Variants in PLXDC2 observed in about 807,000 individuals in gnomAD.
PLXDC2 encodes plexin domain-containing protein 2.
PLXDC2 carries 40 observed loss-of-function variants against 68.9 expected under a neutral mutation model. That is an observed-to-expected ratio of 0.58 (90% CI 0.45 to 0.76). The LOEUF (loss-of-function observed/expected upper bound fraction) is 0.76, where lower values mean the gene tolerates loss of function less well. Among genes scored for constraint, PLXDC2 ranks in the 30% least tolerant of loss-of-function variants. The pLI, the probability that PLXDC2 is intolerant of heterozygous loss-of-function variation, is 0.00. For synonymous variants in PLXDC2, 243 were observed against 234.2 expected, an observed-to-expected ratio of 1.04 and a Z score of -0.34; for missense variants, 644 against 661.9, an observed-to-expected ratio of 0.97 and a Z score of 0.30.
intron 9 of PLXDC2, among the ~76,000 whole-genome samples, chr10:20,206,547 G>A (rs575350884): frequency 2.0e-5 from 3 of 152,106 alleles, no homozygotes; most frequent in South Asian, 2.1e-4. Flanking sequence ...AGAATTTGCT[G>A]TGCTTAGAGC....
intron 4 of PLXDC2, 132 bp from the exon 5 acceptor site, chr10:20,143,163 T>C: frequency 6.6e-6 from 6 of 915,546 alleles, no homozygotes; most frequent in Non-Finnish European, 9.5e-6. Flanking sequence ...AGATATTAAA[T>C]ATGTTCCTTT....
At chr10:19,868,167 T>C (rs1347885457) in intron 1 of PLXDC2, among the ~76,000 whole-genome samples, 5 of 152,152 alleles carry the variant, frequency 3.3e-5, no homozygotes, top group African/African-American at 2.4e-5. Context: ...GTTTGTTACA[T>C]AGACAGATTG....
At chr10:20,136,676 G>A (rs182011882) in intron 4 of PLXDC2, among the ~76,000 whole-genome samples, 3 of 152,302 alleles carry the variant, frequency 2.0e-5, no homozygotes, top group Admixed American at 6.5e-5. Context: ...AGTACATAAC[G>A]TTATAACAAA....
At chr10:19,953,543 A>G (rs867279164) in intron 1 of PLXDC2, among the ~76,000 whole-genome samples, 2 of 152,210 alleles carry the variant, frequency 1.3e-5, no homozygotes, top group Non-Finnish European at 2.9e-5. Context: ...AAAAATACCA[A>G]TCCTGTTTTC....
intron 1 of PLXDC2, among the ~76,000 whole-genome samples, chr10:19,994,753 T>G (rs10740958): frequency 0.4 from 60,955 of 151,054 alleles, 12,598 homozygotes; most frequent in East Asian, 0.57. Context: ...GATTTTTTTT[T>G]TGTGTGTGTG....
At chr10:19,901,587 G>T (rs578217018) in intron 1 of PLXDC2, among the ~76,000 whole-genome samples, 1 of 151,892 alleles carries the variant, frequency 6.6e-6, no homozygotes, top group Non-Finnish European at 1.5e-5. Flanking sequence ...ATCCTTTGTC[G>T]GATGTATAGA....
intron 1 of PLXDC2, among the ~76,000 whole-genome samples, chr10:19,966,858 C>T (rs549101317): frequency 6.7e-4 from 102 of 152,192 alleles, no homozygotes; most frequent in African/African-American, 2.3e-3. Flanking sequence ...GCCTGCAATG[C>T]AGAGGCCAGG....
At chr10:19,959,010 T>TAGA (rs1834114798) in intron 1 of PLXDC2, among the ~76,000 whole-genome samples, 1 of 152,190 alleles carries the variant, frequency 6.6e-6, no homozygotes, top group African/African-American at 2.4e-5. Flanking sequence ...GCCTTCTGAT[T>TAGA]AGAAGTTGAA....
At chr10:20,084,863 C>T (rs988924405) in intron 4 of PLXDC2, among the ~76,000 whole-genome samples, 2 of 138,646 alleles carry the variant, frequency 1.4e-5, no homozygotes, top group Non-Finnish European at 3.0e-5. Context: ...AAGGTGCTCA[C>T]GAAGGCCGTG....
chr10:20,001,728 T>C (rs1243345734), intron 1 of PLXDC2, 47 bp from the exon 2 acceptor site: 88 of 1,553,676 alleles, frequency 5.7e-5, no homozygotes, highest in Non-Finnish European at 7.1e-5. Context: ...CTTGCATGTA[T>C]GGTACACATA....
intron 6 of PLXDC2, among the ~76,000 whole-genome samples, chr10:20,152,422 T>C (rs576057524): frequency 6.6e-6 from 1 of 152,252 alleles, no homozygotes; most frequent in Admixed American, 6.5e-5. Flanking sequence ...TCTGTGTTGT[T>C]CAACCAAAGA....
chr10:19,910,821 G>C (rs1202798802), intron 1 of PLXDC2, among the ~76,000 whole-genome samples: 3 of 151,720 alleles, frequency 2.0e-5, no homozygotes, highest in African/African-American at 7.3e-5. Flanking sequence ...CCAGCCTAGT[G>C]AACATAGTGA....
At position 19,840,810 on chromosome 10, in the gene PLXDC2, T is replaced by C. The variant is rs563483381; in HGVS notation, c.112+23619T>C. On this transcript the variant is annotated intron_variant, in intron 1 of 13. Transcript: ENST00000377252. ...AGAATTTGGTAAGGAGTGTATATAA[T>C]TGGTATATAATTTCAATTTTATTTT... 7.4e-4 allele frequency among the ~76,000 whole-genome samples: 112 copies of C among 152,258 alleles called. 1 individual carries two copies. The highest frequency in any genetic ancestry group is 1.0e-4 in the Non-Finnish European group (7 of 68,014).
intron 12 of PLXDC2, among the ~76,000 whole-genome samples, chr10:20,230,929 G>T (rs984403007): frequency 1.9e-4 from 29 of 150,376 alleles, no homozygotes; most frequent in Non-Finnish European, 1.5e-5. Context: ...TTTCTAGATT[G>T]TGGTCTTATA....
intron 9 of PLXDC2, among the ~76,000 whole-genome samples, chr10:20,186,750 C>CT (rs201327011): frequency 1.3e-5 from 2 of 151,822 alleles, no homozygotes; most frequent in East Asian, 1.9e-4. Context: ...TGATCTTCTT[C>CT]TTTTTTTATG....
chr10:19,823,249 C>A (rs1156629220), intron 1 of PLXDC2, among the ~76,000 whole-genome samples: 1 of 152,036 alleles, frequency 6.6e-6, no homozygotes, highest in Non-Finnish European at 1.5e-5. Context: ...TGTACATATG[C>A]ATACATATAT....
chr10:19,984,202 C>T (rs1386190500), intron 1 of PLXDC2, among the ~76,000 whole-genome samples: 1 of 152,160 alleles, frequency 6.6e-6, no homozygotes, highest in African/African-American at 2.4e-5. Flanking sequence ...CTCAGGGTTC[C>T]CCATTTCTGG....
Position 19,822,427 on chromosome 10 carries a change from A to G in PLXDC2, c.112+5236A>G, listed in dbSNP as rs547750878. Among the ~76,000 whole-genome samples, 6 of 152,196 alleles carry G rather than the reference A, an allele frequency of 3.9e-5. No individual in the cohort carries two copies. In the South Asian group the frequency reaches 1.2e-3, roughly 32 times the overall value. ...CTTGGCTATTGTGAATAATGCTTCA[A>G]TTAACATGGGAGTGAAGATACCTCT... is the stretch of plus-strand genomic sequence containing the variant. On this transcript the variant is annotated intron_variant, in intron 1 of 13. Coordinates refer to ENST00000377252, the MANE Select transcript of PLXDC2 (RefSeq NM_032812.9).
chr10:20,193,254 A>G (rs1834792844), intron 9 of PLXDC2, among the ~76,000 whole-genome samples: 1 of 152,112 alleles, frequency 6.6e-6, no homozygotes, highest in African/African-American at 2.4e-5. Context: ...CTGGCCTACT[A>G]CAGTACAAGT....
Sources: allele counts gnomAD v4.1 joint callset (sites outside exome capture counted in the v4.1 genomes callset), GRCh38; gene constraint gnomAD v4.1.1; transcripts MANE v1.5; gene names NCBI Gene and HGNC (gene_info 2026-07-23, HGNC 2026-07-21).